OSBPL1A: variants seen among roughly 807,000 people sequenced by gnomAD.
OSBPL1A encodes the protein oxysterol-binding protein-related protein 1.
A neutral mutation model predicts 137.1 loss-of-function variants in OSBPL1A; 80 were observed. The ratio of observed to expected loss-of-function variants is 0.58; its 90% CI spans 0.49 to 0.70. The LOEUF (loss-of-function observed/expected upper bound fraction) is 0.70, where lower values mean the gene tolerates loss of function less well. Ranked by LOEUF, OSBPL1A falls within the 30% of genes least tolerant of loss-of-function variation. The pLI is 0.00. For missense variants in OSBPL1A, 970 were observed against 1,129.4 expected (o/e 0.86, Z 2.02); for synonymous variants, 365 against 389.7 (o/e 0.94, Z 0.75).
intron 11 of OSBPL1A, among the ~76,000 whole-genome samples, 180 bp from the exon 12 acceptor site, chr18:24,314,527 G>C (rs968568169): frequency 2.6e-5 from 4 of 152,162 alleles, no homozygotes; most frequent in African/African-American, 9.7e-5. Flanking sequence ...ATGCACTGTA[G>C]AACTATGTTG....
In OSBPL1A at chr18:24,277,665, TATA is replaced by T. The variant is rs559648745; in HGVS notation, c.1281+3174_1281+3176del. Among the ~76,000 whole-genome samples, 8 of 152,334 alleles carry T rather than the reference TATA, an allele frequency of 5.3e-5. No homozygotes were observed. The South Asian group carries it at 1.4e-3, about 28-fold the overall frequency. On this transcript the variant is annotated intron_variant, in intron 15 of 27. Transcript: ENST00000319481. ...ATTTCCAGATAATAGACATGTAATT[TATA>T]ATGCCAGATAAAAAAGGTATTACAG... is the stretch of plus-strand genomic sequence containing the variant.
chr18:24,365,593 A>G (rs569910265), intron 4 of OSBPL1A, among the ~76,000 whole-genome samples: 1 of 152,188 alleles, frequency 6.6e-6, no homozygotes, highest in Admixed American at 6.5e-5. Flanking sequence ...CAAAAAAAAA[A>G]AAAAAGTTTA....
chr18:24,309,289 T>C (rs2632434), intron 13 of OSBPL1A, among the ~76,000 whole-genome samples: 89,041 of 152,010 alleles, frequency 0.59, 27,582 homozygotes, highest in African/African-American at 0.74. Context: ...TTTATAGAAT[T>C]ATATTGTATA....
At chr18:24,282,793 C>A (rs905034053) in intron 14 of OSBPL1A, among the ~76,000 whole-genome samples, 4 of 152,002 alleles carry the variant, frequency 2.6e-5, no homozygotes, top group Non-Finnish European at 1.5e-5. Flanking sequence ...CGGGACAGAA[C>A]AAGATTTGTT....
Position 24,245,568 on chromosome 18 carries a change from A to G in OSBPL1A, c.1282-6186T>C, listed in dbSNP as rs1177082238. ...AGTCTGACTATTATATTGTTAAGGT[A>G]GAGGAGGATGGAGCTCCCATGTGGA... On this transcript the variant is annotated intron_variant, in intron 15 of 27. Coordinates refer to ENST00000319481, the MANE Select transcript of OSBPL1A (RefSeq NM_080597.4). Among the ~76,000 whole-genome samples, 3 of 152,306 alleles carry G rather than the reference A, an allele frequency of 2.0e-5. No individual in the cohort carries two copies. In the East Asian group the frequency reaches 5.8e-4, roughly 29 times the overall value.
At chr18:24,239,761 C>G (rs1437961764) in intron 15 of OSBPL1A, among the ~76,000 whole-genome samples, 1 of 151,780 alleles carries the variant, frequency 6.6e-6, no homozygotes, top group African/African-American at 2.4e-5. Context: ...AGTCTTGGAA[C>G]AAAAATTTTA....
chr18:24,166,469 G>T, intron 26 of OSBPL1A, 110 bp downstream of exon 26: 1 of 1,343,148 alleles, frequency 7.4e-7, no homozygotes, highest in Non-Finnish European at 1.0e-6. Flanking sequence ...ATCTCTAAGA[G>T]AGACTAAAAA....
At chr18:24,261,889 C>T (rs1463057553) in intron 15 of OSBPL1A, among the ~76,000 whole-genome samples, 1 of 151,974 alleles carries the variant, frequency 6.6e-6, no homozygotes, top group Non-Finnish European at 1.5e-5. Flanking sequence ...AGGTGTTTTT[C>T]AAAGAAAAAT....
intron 2 of OSBPL1A, among the ~76,000 whole-genome samples, chr18:24,370,843 T>C (rs937396580): frequency 3.9e-5 from 6 of 152,068 alleles, no homozygotes; most frequent in Admixed American, 3.3e-4. Flanking sequence ...AATATTTGGA[T>C]TCTTTTGTAG....
At chr18:24,184,199 TTTAA>T (rs1196755765) in intron 18 of OSBPL1A, among the ~76,000 whole-genome samples, 12 of 151,966 alleles carry the variant, frequency 7.9e-5, no homozygotes, top group African/African-American at 2.9e-4. Context: ...AGCATGCTCA[TTTAA>T]TTAATTAATT....
chr18:24,271,226 G>C lies in OSBPL1A; in HGVS notation c.1281+9616C>G, dbSNP rs920423735. 2.0e-5 allele frequency among the ~76,000 whole-genome samples: 3 copies of C among 152,120 alleles called. No homozygotes were observed. Among genetic ancestry groups the C allele is most frequent in the Non-Finnish European group, 4.4e-5 (3 of 68,024 alleles). ...GGTAAGTTCATCTCAATGTCAGCCG[G>C]AGCACAGCCATGCGAAAAATCACTA... On this transcript the variant is annotated intron_variant, in intron 15 of 27. Coordinates refer to ENST00000319481, the MANE Select transcript of OSBPL1A (RefSeq NM_080597.4). The surrounding 1 kb of genome is among the most constrained non-coding windows in gnomAD (Gnocchi z 4.0).
At chr18:24,272,555 C>T (rs1055136890) in intron 15 of OSBPL1A, among the ~76,000 whole-genome samples, 2 of 152,150 alleles carry the variant, frequency 1.3e-5, no homozygotes, top group Admixed American at 1.3e-4. Context: ...CACCCAAATA[C>T]CACACTTAAG....
intron 18 of OSBPL1A, among the ~76,000 whole-genome samples, chr18:24,184,976 C>T (rs1409716374): frequency 6.6e-6 from 1 of 152,106 alleles, no homozygotes; most frequent in Non-Finnish European, 1.5e-5. Context: ...AAATTGGTTA[C>T]TTTTGGAATA....
chr18:24,280,779 A>C, intron 15 of OSBPL1A, 63 bp downstream of exon 15: 1 of 1,155,472 alleles, frequency 8.7e-7, no homozygotes, highest in South Asian at 1.9e-5. Flanking sequence ...CAATGACTTC[A>C]TGGACAACCA....
chr18:24,256,469 C>G (rs1238725994), intron 15 of OSBPL1A, among the ~76,000 whole-genome samples: 2 of 151,970 alleles, frequency 1.3e-5, no homozygotes, highest in Non-Finnish European at 2.9e-5. Flanking sequence ...AGGAACACAC[C>G]TCAACATAAT....
chr18:24,262,659 G>A (rs770412895), intron 15 of OSBPL1A, among the ~76,000 whole-genome samples: 6 of 151,846 alleles, frequency 4.0e-5, no homozygotes, highest in Non-Finnish European at 7.4e-5. Context: ...TATATACGCC[G>A]CCATGTAACT....
chr18:24,217,171 T>C (rs2087728532), intron 17 of OSBPL1A, among the ~76,000 whole-genome samples: 1 of 152,052 alleles, frequency 6.6e-6, no homozygotes, highest in African/African-American at 2.4e-5. Context: ...TATATTACCT[T>C]TGTAGGATGC....
At chr18:24,180,711 T>TA (rs1376963487) in intron 19 of OSBPL1A, among the ~76,000 whole-genome samples, 2 of 152,098 alleles carry the variant, frequency 1.3e-5, no homozygotes, top group African/African-American at 2.4e-5. Flanking sequence ...CCGTCTCTAC[T>TA]AAAAAAATAC....
At chr18:24,175,125 T>C (rs1337324431) in intron 21 of OSBPL1A, among the ~76,000 whole-genome samples, 10 of 130,910 alleles carry the variant, frequency 7.6e-5, no homozygotes, top group South Asian at 2.5e-4. Context: ...TATATATATA[T>C]ATATATATAT....
Sources: gnomAD v4.1 joint callset for allele counts (sites outside exome capture counted in the v4.1 genomes callset) on GRCh38, gnomAD v4.1.1 for gene constraint, Gnocchi (gnomAD v3.1) non-coding constraint, MANE v1.5 for transcripts, NCBI Gene and HGNC (gene_info 2026-07-23, HGNC 2026-07-21) for gene names.